The following MMP16 variants were observed in gnomAD, a reference collection of about 807,000 sequenced individuals.
The protein encoded by MMP16 is matrix metallopeptidase 16.
A neutral mutation model predicts 67.8 loss-of-function variants in MMP16; 12 were observed. The observed-to-expected ratio is 0.18, with a 90% CI of 0.11 to 0.29. The LOEUF (loss-of-function observed/expected upper bound fraction) is 0.29. Ranked by LOEUF, MMP16 falls within the 10% of genes least tolerant of loss-of-function variation. MMP16 has a pLI of 1.00. For synonymous variants in MMP16, 249 were observed against 255.9 expected (o/e 0.97, Z 0.26); for missense variants, 475 against 765.7 (o/e 0.62, Z 4.48).
chr8:88,219,730 A>G (rs912310701), intron 1 of MMP16, among the ~76,000 whole-genome samples: 2 of 152,144 alleles, frequency 1.3e-5, no homozygotes, highest in African/African-American at 2.4e-5. Context: ...ATCAGTATGC[A>G]TATTTCAGTG....
intron 1 of MMP16, among the ~76,000 whole-genome samples, chr8:88,229,406 G>C (rs757982993): frequency 8.6e-5 from 13 of 151,864 alleles, no homozygotes; most frequent in African/African-American, 3.1e-4. Context: ...ATCAAAACGG[G>C]GTATGCTCTC....
At chr8:88,163,020 G>T (rs932283702) in intron 4 of MMP16, among the ~76,000 whole-genome samples, 5 of 151,906 alleles carry the variant, frequency 3.3e-5, no homozygotes, top group African/African-American at 1.2e-4. Flanking sequence ...AATTTTGTAG[G>T]CCTCTAAGAA....
intron 1 of MMP16, among the ~76,000 whole-genome samples, chr8:88,241,756 A>T (rs1698105626): frequency 6.6e-6 from 1 of 152,086 alleles, no homozygotes; most frequent in African/African-American, 2.4e-5. Flanking sequence ...TATGAAGTAC[A>T]GTGTGATATT....
chr8:88,307,123 T>C (rs1811222621), intron 1 of MMP16, among the ~76,000 whole-genome samples: 2 of 152,168 alleles, frequency 1.3e-5, no homozygotes, highest in Admixed American at 6.5e-5. Context: ...AGCATTCCCA[T>C]ATGCCAACAG....
At chr8:88,172,205 T>C (rs1211342438) in intron 3 of MMP16, among the ~76,000 whole-genome samples, 2 of 152,216 alleles carry the variant, frequency 1.3e-5, no homozygotes, top group Admixed American at 1.3e-4. Context: ...CCCCTCATTT[T>C]TTTTATGAAA....
intron 4 of MMP16, among the ~76,000 whole-genome samples, chr8:88,160,429 T>G (rs556607428): frequency 6.6e-6 from 1 of 151,972 alleles, no homozygotes; most frequent in South Asian, 2.1e-4. Flanking sequence ...ACGCAATAAA[T>G]TTACAAGAAA....
intron 1 of MMP16, among the ~76,000 whole-genome samples, chr8:88,226,812 G>C (rs1003982306): frequency 4.6e-5 from 7 of 151,284 alleles, no homozygotes; most frequent in African/African-American, 1.7e-4. Context: ...CTCAGTCCCT[G>C]GTAAAACATT....
chr8:88,197,022 T>C (rs1041618408), intron 2 of MMP16, 136 bp downstream of exon 2: 50 of 786,032 alleles, frequency 6.4e-5, no homozygotes, highest in Non-Finnish European at 9.3e-5. Context: ...GGGGTTAAAT[T>C]AGGTTATATA....
At chr8:88,311,751 C>A (rs1262117825) in intron 1 of MMP16, among the ~76,000 whole-genome samples, 1 of 151,958 alleles carries the variant, frequency 6.6e-6, no homozygotes, top group Non-Finnish European at 1.5e-5. Context: ...GTGAGAACCA[C>A]TGTACTAGAT....
chr8:88,113,520 C>G (rs530400704), intron 6 of MMP16, among the ~76,000 whole-genome samples: 3 of 151,680 alleles, frequency 2.0e-5, no homozygotes, highest in African/African-American at 7.2e-5. Flanking sequence ...CAATAAGGAG[C>G]AAAATATGAA....
chr8:88,133,622 C>A lies in MMP16; in HGVS notation c.710-14761G>T, dbSNP rs192977898. Among the ~76,000 whole-genome samples, 199 of 151,880 alleles carry A rather than the reference C, an allele frequency of 1.3e-3. 2 individuals are homozygous for A. Among genetic ancestry groups the A allele is most frequent in the African/African-American group, 4.5e-3 (186 of 41,492 alleles). On this transcript the variant is annotated intron_variant, in intron 4 of 9. Coordinates refer to ENST00000286614, the MANE Select transcript of MMP16 (RefSeq NM_005941.5). ...ACCTTTGACAAAGAGATTATGCAGA[C>A]ATATTTTCATATTAATGACTCTTAA...
intron 1 of MMP16, among the ~76,000 whole-genome samples, chr8:88,201,591 C>A (rs1432004951): frequency 6.6e-6 from 1 of 152,030 alleles, no homozygotes; most frequent in Non-Finnish European, 1.5e-5. Context: ...TTTTAACATA[C>A]TAACAAAATG....
Position 88,149,100 on chromosome 8 carries a change from G to A in MMP16, c.709+18569C>T, listed in dbSNP as rs564304597. Reference sequence around the variant, plus strand: ...TTTCTGAGTCAAAGAAAGGGGTGACGGACGCACCTGGAAAATCGGGTCACT... The same window carrying A: ...TTTCTGAGTCAAAGAAAGGGGTGACAGACGCACCTGGAAAATCGGGTCACT... On this transcript the variant is annotated intron_variant, in intron 4 of 9. Transcript: ENST00000286614. 4.6e-3 allele frequency among the ~76,000 whole-genome samples: 704 copies of A among 152,282 alleles called. 4 individuals carry two copies. Among genetic ancestry groups the A allele is most frequent in the Non-Finnish European group, 5.5e-3 (375 of 68,004 alleles).
At chr8:88,200,221 A>C (rs1330556858) in intron 1 of MMP16, among the ~76,000 whole-genome samples, 2 of 151,902 alleles carry the variant, frequency 1.3e-5, no homozygotes, top group African/African-American at 2.4e-5. Context: ...AAACTCCCCA[A>C]ATCCAAAAGC....
At chr8:88,310,801 T>G (rs1811283470) in intron 1 of MMP16, among the ~76,000 whole-genome samples, 1 of 152,028 alleles carries the variant, frequency 6.6e-6, no homozygotes, top group Middle Eastern at 3.2e-3. Flanking sequence ...AAAAAGTTAT[T>G]TCTGTCCCCT....
chr8:88,272,705 A>G (rs930097441), intron 1 of MMP16, among the ~76,000 whole-genome samples: 1 of 152,236 alleles, frequency 6.6e-6, no homozygotes, highest in Non-Finnish European at 1.5e-5. Flanking sequence ...TGTGAAACCT[A>G]TGTTGAAAAG....
At chr8:88,323,427 T>C (rs1478903868) in intron 1 of MMP16, among the ~76,000 whole-genome samples, 1 of 152,186 alleles carries the variant, frequency 6.6e-6, no homozygotes, top group African/African-American at 2.4e-5. Flanking sequence ...ATAGTTATAC[T>C]CAATTCATAT....
chr8:88,204,617 T>A (rs1223787569), intron 1 of MMP16, among the ~76,000 whole-genome samples: 1 of 152,144 alleles, frequency 6.6e-6, no homozygotes, highest in Non-Finnish European at 1.5e-5. Context: ...TATTATAATG[T>A]TCTACAATAT....
At chr8:88,326,822 C>T (rs771467342) in intron 1 of MMP16, 69 of 404,018 alleles carry the variant, frequency 1.7e-4, no homozygotes, top group Admixed American at 3.2e-4. Flanking sequence ...GGGTGAAAAG[C>T]ATGGACCGGC....
Sources: gnomAD v4.1 joint callset for allele counts (sites outside exome capture counted in the v4.1 genomes callset) on GRCh38, gnomAD v4.1.1 for gene constraint, MANE v1.5 for transcripts, NCBI Gene and HGNC (gene_info 2026-07-23, HGNC 2026-07-21) for gene names.